Variants in GPC5 observed in about 807,000 individuals in gnomAD.
GPC5 encodes glypican-5.
A neutral mutation model predicts 53.9 loss-of-function variants in GPC5; 47 were observed. That is an observed-to-expected ratio of 0.87 (90% CI 0.69 to 1.11). The LOEUF (loss-of-function observed/expected upper bound fraction) is 1.11, where lower values mean the gene tolerates loss of function less well. Among genes scored for constraint, GPC5 ranks in the 50% most tolerant of loss-of-function variants. GPC5 has a pLI of 0.00. For missense variants in GPC5, 748 were observed against 713.1 expected, an observed-to-expected ratio of 1.05 and a Z score of -0.56; for synonymous variants, 286 against 263.3, an observed-to-expected ratio of 1.09 and a Z score of -0.84.
Position 92,409,504 on chromosome 13 carries a change from T to G in GPC5, c.1561+264515T>G, listed in dbSNP as rs1261386892. Among the ~76,000 whole-genome samples, 10 of 152,196 alleles carry G rather than the reference T, an allele frequency of 6.6e-5. No individual in the cohort carries two copies. In the East Asian group the frequency reaches 1.2e-3, roughly 18 times the overall value. On this transcript the variant is annotated intron_variant, in intron 7 of 7. Coordinates refer to ENST00000377067, the MANE Select transcript of GPC5 (RefSeq NM_004466.6). The stretch of plus-strand genomic sequence containing the variant: ...AACTTCAATATGAACTAATGTATCA[T>G]TTTAATCCATATAATTGACCATCAT...
In GPC5 at chr13:92,147,393, G is replaced by A. The variant is rs373736865; in HGVS notation, c.1561+2404G>A. ...AAGTAAAGCATTTTTTTGTGTGTGA[G>A]TGTGTGTGCATATGTGTGTATAAAT... On this transcript the variant is annotated intron_variant, in intron 7 of 7. Transcript: ENST00000377067. Among the ~76,000 whole-genome samples, 12 of 151,954 alleles carry A rather than the reference G, an allele frequency of 7.9e-5. No individual in the cohort carries two copies. The East Asian group carries it at 2.1e-3, about 27-fold the overall frequency.
intron 7 of GPC5, among the ~76,000 whole-genome samples, chr13:92,726,392 T>C (rs1000458866): frequency 6.6e-6 from 1 of 151,520 alleles, no homozygotes; most frequent in African/African-American, 2.4e-5. Flanking sequence ...TGTTTGTTTA[T>C]TGTTTGTTTG....
chr13:91,793,460 C>A lies in GPC5; in HGVS notation c.1280+37040C>A, dbSNP rs570904934. On this transcript the variant is annotated intron_variant, in intron 5 of 7. Coordinates refer to ENST00000377067, the MANE Select transcript of GPC5 (RefSeq NM_004466.6). ...TACATGTAGCTCTTTCCAAAGAAAT[C>A]TTCTTCTTAAATCTTTTGTCAGTCT... is the stretch of plus-strand genomic sequence containing the variant. 2.6e-5 allele frequency among the ~76,000 whole-genome samples: 4 copies of A among 152,202 alleles called. No individual in the cohort carries two copies. The East Asian group carries it at 7.7e-4, about 29-fold the overall frequency.
chr13:91,668,733 G>A (rs1054199401), intron 2 of GPC5, among the ~76,000 whole-genome samples: 3 of 152,098 alleles, frequency 2.0e-5, no homozygotes, highest in Admixed American at 6.5e-5. Context: ...AGTCCAGTTG[G>A]TTCTTATTAA....
intron 7 of GPC5, among the ~76,000 whole-genome samples, chr13:92,178,258 A>T (rs1187449185): frequency 6.6e-6 from 1 of 152,238 alleles, no homozygotes; most frequent in Middle Eastern, 3.4e-3. Flanking sequence ...GTAGTCAAAC[A>T]AAAATCCTGA....
intron 7 of GPC5, among the ~76,000 whole-genome samples, chr13:92,612,510 G>A (rs1408640194): frequency 6.6e-6 from 1 of 152,032 alleles, no homozygotes; most frequent in Non-Finnish European, 1.5e-5. Context: ...GGCTATTTCT[G>A]AGAAAAACTA....
chr13:92,377,921 T>C (rs1204294009), intron 7 of GPC5, among the ~76,000 whole-genome samples: 1 of 152,214 alleles, frequency 6.6e-6, no homozygotes, highest in African/African-American at 2.4e-5. Context: ...AGTTTACTTC[T>C]TGTATCCTGA....
chr13:91,483,233 ATCT>A (rs1883401726), intron 2 of GPC5, among the ~76,000 whole-genome samples: 1 of 152,180 alleles, frequency 6.6e-6, no homozygotes, highest in Admixed American at 6.5e-5. Context: ...TCAATACCTG[ATCT>A]TCTCTTTATA....
chr13:92,019,200 ACTCT>A (rs767775721), intron 6 of GPC5, among the ~76,000 whole-genome samples: 3 of 151,782 alleles, frequency 2.0e-5, no homozygotes, highest in South Asian at 2.1e-4. Context: ...ACATACACAT[ACTCT>A]CTCTCTATAT....
intron 7 of GPC5, among the ~76,000 whole-genome samples, chr13:92,164,095 G>A (rs536720069): frequency 9.2e-5 from 14 of 152,256 alleles, no homozygotes; most frequent in Admixed American, 5.2e-4. Flanking sequence ...TCCCCAACAT[G>A]TGGGGATTAC....
chr13:92,541,575 T>A (rs1881932530), intron 7 of GPC5, among the ~76,000 whole-genome samples: 1 of 151,694 alleles, frequency 6.6e-6, no homozygotes. Context: ...AGAAATAGCT[T>A]TTTTTTGCTG....
At chr13:92,518,909 G>A (rs1407307568) in intron 7 of GPC5, among the ~76,000 whole-genome samples, 1 of 152,034 alleles carries the variant, frequency 6.6e-6, no homozygotes, top group Non-Finnish European at 1.5e-5. Flanking sequence ...ACACACATAG[G>A]CTCAAAATAA....
intron 6 of GPC5, among the ~76,000 whole-genome samples, chr13:91,935,320 T>G: frequency 6.6e-6 from 1 of 151,998 alleles, no homozygotes; most frequent in East Asian, 1.9e-4. Context: ...AAAGCAATGT[T>G]ATTAAGAAGT....
At chr13:91,807,633 C>T (rs1362145743) in intron 5 of GPC5, among the ~76,000 whole-genome samples, 9 of 152,050 alleles carry the variant, frequency 5.9e-5, no homozygotes, top group South Asian at 2.1e-4. Flanking sequence ...GACTTAATTA[C>T]GGGTGATAAT....
At chr13:92,543,873 G>A (rs560507558) in intron 7 of GPC5, among the ~76,000 whole-genome samples, 1 of 152,034 alleles carries the variant, frequency 6.6e-6, no homozygotes, top group African/African-American at 2.4e-5. Context: ...ACATAAAAAT[G>A]CATCTCATGT....
At chr13:91,890,131 G>T (rs143870450) in intron 5 of GPC5, among the ~76,000 whole-genome samples, 271 of 152,224 alleles carry the variant, frequency 1.8e-3, no homozygotes, top group Middle Eastern at 6.8e-3. Flanking sequence ...AACAGGGGTG[G>T]TGCCATTCCA....
chr13:92,548,720 C>G lies in GPC5; in HGVS notation c.1562-317562C>G, dbSNP rs144162216. 4.2e-3 allele frequency among the ~76,000 whole-genome samples: 644 copies of G among 152,150 alleles called. 5 individuals are homozygous for G. The highest frequency in any genetic ancestry group is 0.015 in the African/African-American group (610 of 41,528). The stretch of plus-strand genomic sequence containing the variant: ...TTCTTCATATGGTGTAATCTCAATA[C>G]CTTAACCTTTCCATTACTTTTCCCA... On this transcript the variant is annotated intron_variant, in intron 7 of 7. Transcript: ENST00000377067.
rs71120074 is a variant in GPC5, at chr13:92,159,593, C to CTTTTTTTTTTTTTT, written c.1561+14618_1561+14631dup. Reference sequence around the variant, plus strand: ...CTATGTAATCACTAATACCAATGTTCTTTTTTTTTTTTTTTTTTTTTTTTT... The same window carrying CTTTTTTTTTTTTTT: ...CTATGTAATCACTAATACCAATGTTCTTTTTTTTTTTTTTTTTTTTTTTTTTTTTTTTTTTTTTT... On this transcript the variant is annotated intron_variant, in intron 7 of 7. Coordinates refer to ENST00000377067, the MANE Select transcript of GPC5 (RefSeq NM_004466.6). Among the ~76,000 whole-genome samples the CTTTTTTTTTTTTTT allele has an allele frequency of 1.7e-4, 10 of 57,214 alleles. 3 individuals are homozygous for CTTTTTTTTTTTTTT. Among genetic ancestry groups the CTTTTTTTTTTTTTT allele is most frequent in the Admixed American group, 2.3e-4 (1 of 4,308 alleles). 37.5% of individuals were successfully genotyped at this position (57,214 alleles called of 152,430 possible).
intron 6 of GPC5, among the ~76,000 whole-genome samples, chr13:91,973,563 T>A (rs539933071): frequency 2.0e-5 from 3 of 152,288 alleles, no homozygotes; most frequent in African/African-American, 4.8e-5. Flanking sequence ...GAGTTTCCGG[T>A]TTTTCTGCTC....
Sources: gnomAD v4.1 joint callset for allele counts (sites outside exome capture counted in the v4.1 genomes callset) on GRCh38, gnomAD v4.1.1 for gene constraint, MANE v1.5 for transcripts, NCBI Gene and HGNC (gene_info 2026-07-23, HGNC 2026-07-21) for gene names.